Variants in DIS3L2 observed in about 807,000 individuals in gnomAD.
DIS3L2 encodes the protein DIS3 like 3'-5' exoribonuclease 2, also known as DIS3-like exonuclease 2.
Under a neutral mutation model 97.5 loss-of-function variants are expected in DIS3L2, and 34 were observed. The observed-to-expected ratio is 0.35, with a 90% confidence interval of 0.27 to 0.46. The LOEUF (loss-of-function observed/expected upper bound fraction) is 0.46, where lower values mean the gene tolerates loss of function less well. DIS3L2 is among the 20% of genes least tolerant of loss of function. The pLI is 1.00. For missense variants in DIS3L2, 1,038 were observed against 1,146.0 expected (o/e 0.91, Z 1.36); for synonymous variants, 435 against 445.2 (o/e 0.98, Z 0.29).
intron 1 of DIS3L2, among the ~76,000 whole-genome samples, chr2:232,010,247 T>C (rs915702272): frequency 2.0e-5 from 3 of 152,226 alleles, no homozygotes; most frequent in Non-Finnish European, 4.4e-5. Context: ...TTCAACCGTC[T>C]GGATATCCTT....
intron 12 of DIS3L2, among the ~76,000 whole-genome samples, chr2:232,257,186 A>T (rs1280676688): frequency 2.0e-5 from 3 of 152,140 alleles, no homozygotes; most frequent in Non-Finnish European, 2.9e-5. Flanking sequence ...TTTCAGGGGA[A>T]GCCTGAGCTT....
At chr2:232,157,774 G>A (rs1690535944) in intron 8 of DIS3L2, among the ~76,000 whole-genome samples, 1 of 152,314 alleles carries the variant, frequency 6.6e-6, no homozygotes, top group South Asian at 2.1e-4. Flanking sequence ...TGCAAGAATG[G>A]TATTCAGGTC....
At position 232,075,051 on chromosome 2, in the gene DIS3L2, A is replaced by G. The variant is rs553418879; in HGVS notation, c.367-12436A>G. On this transcript the variant is annotated intron_variant, in intron 5 of 20. Coordinates refer to ENST00000325385, the MANE Select transcript of DIS3L2 (RefSeq NM_152383.5). ...AAAAGGTTCAGAGGCATTTCATGCA[A>G]TGTGTGTCAGGGATGGGAGCTGTAT... is the stretch of plus-strand genomic sequence containing the variant. 2.8e-3 allele frequency among the ~76,000 whole-genome samples: 427 copies of G among 152,276 alleles called. 1 individual carries two copies. The highest frequency in any genetic ancestry group is 4.7e-3 in the Non-Finnish European group (317 of 68,008).
chr2:232,036,711 T>A (rs1694958619), intron 5 of DIS3L2, among the ~76,000 whole-genome samples: 1 of 152,244 alleles, frequency 6.6e-6, no homozygotes, highest in Admixed American at 6.5e-5. Context: ...TTTTGTGTGG[T>A]GGTCCTTTTT....
At chr2:232,186,031 A>G (rs369469610) in intron 9 of DIS3L2, among the ~76,000 whole-genome samples, 3 of 152,172 alleles carry the variant, frequency 2.0e-5, no homozygotes, top group South Asian at 2.1e-4. Context: ...GGATCTCACT[A>G]TGTTGCCCAG....
At chr2:232,073,401 C>T (rs562931344) in intron 5 of DIS3L2, among the ~76,000 whole-genome samples, 43 of 152,166 alleles carry the variant, frequency 2.8e-4, no homozygotes, top group African/African-American at 9.9e-4. Flanking sequence ...GCCATTTCCG[C>T]GGAAAATGTC....
Position 232,305,031 on chromosome 2 carries a change from C to T in DIS3L2, c.1739+4912C>T, listed in dbSNP as rs991193624. 6.6e-5 allele frequency among the ~76,000 whole-genome samples: 10 copies of T among 152,110 alleles called. No individual in the cohort carries two copies. The East Asian group carries it at 7.7e-4, about 12-fold the overall frequency. ...TATTCTCCTTGTAGCAGTTTACTAT[C>T]GGCTGCTTAATAACCCTTCCCAATA... On this transcript the variant is annotated intron_variant, in intron 14 of 20. Coordinates refer to ENST00000325385, the MANE Select transcript of DIS3L2 (RefSeq NM_152383.5).
intron 13 of DIS3L2, among the ~76,000 whole-genome samples, chr2:232,279,226 C>CT (rs1553543517): frequency 1.3e-5 from 2 of 152,184 alleles, no homozygotes; most frequent in Non-Finnish European, 1.5e-5. Context: ...CGTGAGCCAC[C>CT]ATGGCCAGCT....
At chr2:232,323,015 G>T (rs1173651583) in intron 14 of DIS3L2, among the ~76,000 whole-genome samples, 1 of 152,240 alleles carries the variant, frequency 6.6e-6, no homozygotes, top group Non-Finnish European at 1.5e-5. Context: ...AGCTGTTGGG[G>T]GCACTGTGGG....
At chr2:232,013,856 G>A (rs1694279739) in intron 1 of DIS3L2, among the ~76,000 whole-genome samples, 1 of 152,050 alleles carries the variant, frequency 6.6e-6, no homozygotes, top group South Asian at 2.1e-4. Context: ...CTTTCCCTAA[G>A]TGGCCTATTA....
intron 8 of DIS3L2, among the ~76,000 whole-genome samples, chr2:232,156,367 A>C (rs1050885047): frequency 2.0e-5 from 3 of 152,090 alleles, no homozygotes; most frequent in African/African-American, 7.2e-5. Context: ...CTCTTGTTTT[A>C]TAAAGCTTAT....
intron 10 of DIS3L2, among the ~76,000 whole-genome samples, chr2:232,218,918 G>T (rs1692421512): frequency 6.6e-6 from 1 of 152,122 alleles, no homozygotes; most frequent in East Asian, 1.9e-4. Context: ...TGTAAGATGA[G>T]TCCTCAGCCT....
At chr2:232,123,494 TC>T (rs1697967075) in intron 6 of DIS3L2, among the ~76,000 whole-genome samples, 1 of 151,732 alleles carries the variant, frequency 6.6e-6, no homozygotes, top group Non-Finnish European at 1.5e-5. Context: ...GCTTACACTG[TC>T]CCCCTCCCCT....
chr2:231,973,792 G>A (rs1264412368), intron 1 of DIS3L2, among the ~76,000 whole-genome samples: 1 of 152,176 alleles, frequency 6.6e-6, no homozygotes, highest in African/African-American at 2.4e-5. Context: ...ATAGAGTTTA[G>A]TTATGGCTTT....
chr2:232,086,765 C>T (rs952216965), intron 5 of DIS3L2, among the ~76,000 whole-genome samples: 7 of 149,700 alleles, frequency 4.7e-5, no homozygotes, highest in African/African-American at 7.4e-5. Flanking sequence ...CTGCAAGCTC[C>T]GCCTCCTGGG....
chr2:232,336,298 G>A lies in DIS3L2; in HGVS notation c.2497-171G>A, dbSNP rs375075086. 9.6e-5 allele frequency: 148 copies of A among 1,546,966 alleles called. 7 individuals carry two copies. Among genetic ancestry groups the A allele is most frequent in the East Asian group, 7.9e-4 (32 of 40,752 alleles). On this transcript the variant is annotated intron_variant, in intron 20 of 20. Transcript: ENST00000325385. Reference sequence around the variant, plus strand: ...AGGATGCATCTGACTCCCCAACTCTGCCCTGACCCAGGGCATTCTTCCTGG... The same window carrying A: ...AGGATGCATCTGACTCCCCAACTCTACCCTGACCCAGGGCATTCTTCCTGG...
intron 10 of DIS3L2, among the ~76,000 whole-genome samples, chr2:232,222,747 G>A (rs556764003): frequency 1.4e-4 from 21 of 152,360 alleles, no homozygotes; most frequent in South Asian, 6.2e-4. Flanking sequence ...GATTACAGGC[G>A]TGAGCCACTG....
chr2:232,141,730 C>G lies in DIS3L2; in HGVS notation c.950+5011C>G, dbSNP rs571507771. The stretch of plus-strand genomic sequence containing the variant: ...GGGAAGTAGGGGGTGGAGGTCTGTT[C>G]TGGTATCACCTTTGTCTCCTAGCTT... On this transcript the variant is annotated intron_variant, in intron 8 of 20. Coordinates refer to ENST00000325385, the MANE Select transcript of DIS3L2 (RefSeq NM_152383.5). Among the ~76,000 whole-genome samples the G allele has an allele frequency of 2.6e-3, 397 of 152,260 alleles. 3 individuals are homozygous for G. The highest frequency in any genetic ancestry group is 2.7e-3 in the Non-Finnish European group (181 of 68,018).
chr2:232,343,270 C>A (rs1696154276), intron 13 of DIS3L2: 2 of 1,308,864 alleles, frequency 1.5e-6, no homozygotes, highest in Non-Finnish European at 2.1e-6. Flanking sequence ...GTAGGCTCAC[C>A]TTTCACTGGA....
Sources: gnomAD v4.1 joint callset for allele counts (sites outside exome capture counted in the v4.1 genomes callset) on GRCh38, gnomAD v4.1.1 for gene constraint, MANE v1.5 for transcripts, NCBI Gene and HGNC (gene_info 2026-07-23, HGNC 2026-07-21) for gene names.